LDLRAD3: variants seen among roughly 807,000 people sequenced by gnomAD.
LDLRAD3 encodes the protein low density lipoprotein receptor class A domain containing 3.
In LDLRAD3, 20 loss-of-function variants were observed where a neutral mutation model predicts 29.4. That is an observed-to-expected ratio of 0.68 (90% CI 0.48 to 0.99). LDLRAD3 has a LOEUF of 0.99. Ranked by LOEUF, LDLRAD3 falls within the 50% of genes least tolerant of loss-of-function variation. The probability of loss-of-function intolerance (pLI) is 0.00; values close to 1 mark genes in which losing one functional copy is unlikely to be tolerated. For missense variants in LDLRAD3, 420 were observed against 454.3 expected, an observed-to-expected ratio of 0.92 and a Z score of 0.69; for synonymous variants, 157 against 192.7, an observed-to-expected ratio of 0.81 and a Z score of 1.53.
intron 4 of LDLRAD3, among the ~76,000 whole-genome samples, chr11:36,125,237 G>C (rs960448408): frequency 1.3e-5 from 2 of 152,096 alleles, no homozygotes; most frequent in Non-Finnish European, 2.9e-5. Context: ...CTAGATCCTG[G>C]TACACAGAGG....
At chr11:36,127,437 C>T (rs1308109134) in intron 4 of LDLRAD3, among the ~76,000 whole-genome samples, 1 of 152,180 alleles carries the variant, frequency 6.6e-6, no homozygotes, top group Non-Finnish European at 1.5e-5. Context: ...GTCTCAGTTT[C>T]ACCATCTGTA....
At chr11:35,969,580 C>T (rs1851386579) in intron 1 of LDLRAD3, among the ~76,000 whole-genome samples, 1 of 152,172 alleles carries the variant, frequency 6.6e-6, no homozygotes, top group South Asian at 2.1e-4. Flanking sequence ...AGCTTTCTTG[C>T]CTGGCTCTCC....
Position 36,108,373 on chromosome 11 carries a change from A to C in LDLRAD3, c.454+9912A>C, listed in dbSNP as rs537560595. On this transcript the variant is annotated intron_variant, in intron 4 of 5. Transcript: ENST00000315571. ...AGATGCATTCCAGTTTCAGAATGTT[A>C]AAATGTAAAATAAAAATTGTATCTT... is the stretch of plus-strand genomic sequence containing the variant. Among the ~76,000 whole-genome samples the C allele has an allele frequency of 2.5e-4, 37 of 150,598 alleles. No individual in the cohort carries two copies. The South Asian group carries it at 7.6e-3, about 31-fold the overall frequency.
chr11:36,048,481 G>T (rs565902124), intron 2 of LDLRAD3, among the ~76,000 whole-genome samples: 2 of 151,872 alleles, frequency 1.3e-5, no homozygotes, highest in South Asian at 2.1e-4. Flanking sequence ...CAAGACTCTG[G>T]TTGGGAAGAA....
At chr11:36,128,974 A>G (rs1853885825) in intron 4 of LDLRAD3, among the ~76,000 whole-genome samples, 1 of 152,056 alleles carries the variant, frequency 6.6e-6, no homozygotes, top group African/African-American at 2.4e-5. Context: ...TACATGAGGG[A>G]TGGTGGTGGC....
At chr11:35,983,758 G>A (rs1851573925) in intron 1 of LDLRAD3, among the ~76,000 whole-genome samples, 1 of 152,064 alleles carries the variant, frequency 6.6e-6, no homozygotes, top group Non-Finnish European at 1.5e-5. Flanking sequence ...GGCCTCCTGA[G>A]TAGCTGGGAT....
intron 3 of LDLRAD3, among the ~76,000 whole-genome samples, chr11:36,095,923 G>T (rs1439846703): frequency 2.0e-5 from 3 of 152,196 alleles, no homozygotes; most frequent in African/African-American, 2.4e-5. Flanking sequence ...GGACACAAGG[G>T]TTTGGAGAGC....
intron 4 of LDLRAD3, among the ~76,000 whole-genome samples, chr11:36,175,082 T>C (rs2133352051): frequency 1.3e-5 from 2 of 152,338 alleles, no homozygotes; most frequent in Admixed American, 1.3e-4. Context: ...ATTTTTACGC[T>C]GTTGATGGGA....
intron 1 of LDLRAD3, among the ~76,000 whole-genome samples, chr11:35,971,986 GC>G (rs1309886427): frequency 1.3e-5 from 2 of 152,160 alleles, no homozygotes; most frequent in African/African-American, 4.8e-5. Flanking sequence ...TGAAGGAGCT[GC>G]CGGTGTGGGG....
chr11:36,145,292 C>A (rs1195580664), intron 4 of LDLRAD3, among the ~76,000 whole-genome samples: 1 of 99,046 alleles, frequency 1.0e-5, no homozygotes, highest in African/African-American at 4.7e-5. Flanking sequence ...CTGCCCCATC[C>A]GGGAGGTGAG....
chr11:36,046,666 A>G (rs1024894306), intron 2 of LDLRAD3, among the ~76,000 whole-genome samples: 12 of 152,250 alleles, frequency 7.9e-5, no homozygotes, highest in Non-Finnish European at 1.8e-4. Flanking sequence ...AACCTGCTAC[A>G]CTGGGTAAAT....
rs548127494 is a variant in LDLRAD3 at position 36,037,241 on chromosome 11, A to G, written c.193+992A>G. Among the ~76,000 whole-genome samples, 3 of 152,232 alleles carry G rather than the reference A, an allele frequency of 2.0e-5. No homozygotes were observed. The East Asian group carries it at 5.8e-4, about 29-fold the overall frequency. On this transcript the variant is annotated intron_variant, in intron 2 of 5. Transcript: ENST00000315571. Reference sequence around the variant, plus strand: ...ACGTGGCCTGTCTGACAGGAGAACTATGTGTCCTGGCTCTGAGCCTGCTGT... The same window carrying G: ...ACGTGGCCTGTCTGACAGGAGAACTGTGTGTCCTGGCTCTGAGCCTGCTGT...
chr11:36,192,193 T>A (rs1590344613), intron 4 of LDLRAD3, among the ~76,000 whole-genome samples: 1 of 152,320 alleles, frequency 6.6e-6, no homozygotes, highest in Middle Eastern at 3.4e-3. Context: ...AAAGTGGAAT[T>A]TCAAGAATGC....
chr11:35,968,685 TG>T (rs1418623935), intron 1 of LDLRAD3: 2 of 156,050 alleles, frequency 1.3e-5, no homozygotes, highest in Admixed American at 6.5e-5. Context: ...TCAGTTTTAA[TG>T]TTTTAATTTA....
At chr11:36,033,421 G>A (rs1035046527) in intron 1 of LDLRAD3, among the ~76,000 whole-genome samples, 8 of 152,232 alleles carry the variant, frequency 5.3e-5, no homozygotes, top group South Asian at 2.1e-4. Flanking sequence ...TCCATGTGCC[G>A]CCAGCCTTAT....
At chr11:36,166,886 A>G (rs187378646) in intron 4 of LDLRAD3, among the ~76,000 whole-genome samples, 2 of 152,202 alleles carry the variant, frequency 1.3e-5, no homozygotes, top group Non-Finnish European at 2.9e-5. Flanking sequence ...CACCATTTGA[A>G]TAGCGAGGCT....
At chr11:36,037,675 G>A (rs1023124114) in intron 2 of LDLRAD3, among the ~76,000 whole-genome samples, 3 of 152,144 alleles carry the variant, frequency 2.0e-5, no homozygotes, top group Non-Finnish European at 4.4e-5. Flanking sequence ...TGACGCATGG[G>A]AACGGGCACT....
At chr11:36,133,833 G>A (rs1001204966) in intron 4 of LDLRAD3, among the ~76,000 whole-genome samples, 2 of 151,864 alleles carry the variant, frequency 1.3e-5, no homozygotes, top group East Asian at 1.9e-4. Flanking sequence ...CACCGCGCCC[G>A]GCCCATTTTC....
At chr11:36,011,689 G>C (rs1373118126) in intron 1 of LDLRAD3, among the ~76,000 whole-genome samples, 1 of 152,162 alleles carries the variant, frequency 6.6e-6, no homozygotes, top group Non-Finnish European at 1.5e-5. Context: ...GAGGTCAGTT[G>C]GAAAGAGATT....
Sources: gnomAD v4.1 joint callset for allele counts (sites outside exome capture counted in the v4.1 genomes callset) on GRCh38, gnomAD v4.1.1 for gene constraint, MANE v1.5 for transcripts, NCBI Gene and HGNC (gene_info 2026-07-23, HGNC 2026-07-21) for gene names.